Variants in NETO1 observed in about 807,000 individuals in gnomAD.
NETO1 encodes neuropilin and tolloid-like protein 1.
In NETO1, 26 loss-of-function variants were observed where a neutral mutation model predicts 61.3. The ratio of observed to expected loss-of-function variants is 0.42; its 90% CI spans 0.31 to 0.59. The LOEUF (loss-of-function observed/expected upper bound fraction) is 0.59. Among genes scored for constraint, NETO1 ranks in the 20% least tolerant of loss-of-function variants. NETO1 has a pLI of 0.12. For missense variants in NETO1, 531 were observed against 662.8 expected (o/e 0.80, Z 2.18); for synonymous variants, 225 against 225.8 (o/e 1.00, Z 0.03).
chr18:72,743,305 A>T, downstream of NETO1, among the ~76,000 whole-genome samples: 1 of 152,136 alleles, frequency 6.6e-6, no homozygotes, highest in Non-Finnish European at 1.5e-5. Flanking sequence ...TTCTCCCTGC[A>T]CTACTATTTG....
chr18:72,808,385 C>T (rs1219245692), intron 4 of NETO1, among the ~76,000 whole-genome samples: 1 of 150,762 alleles, frequency 6.6e-6, no homozygotes, highest in East Asian at 2.0e-4. Context: ...GTCTCTGCTA[C>T]ACACAGGTTG....
Position 72,747,762 on chromosome 18 carries a change from A to G in NETO1, c.*417T>C, listed in dbSNP as rs1266542513. On this transcript the variant is annotated 3_prime_UTR_variant, in exon 11 of 11. Transcript: ENST00000327305. ...TCAAGCTGTCTATATAATGAAAACA[A>G]TGTACATGTAACACAAGGTTCATCC... The G allele has an allele frequency of 6.6e-6, 1 of 152,242 alleles. No homozygotes were observed. The highest frequency in any genetic ancestry group is 2.4e-5 in the African/African-American group (1 of 41,586). 9.4% of individuals were successfully genotyped at this position (152,242 alleles called of 1,614,324 possible).
At chr18:72,757,723 T>C (rs922003263) in intron 7 of NETO1, among the ~76,000 whole-genome samples, 2 of 152,188 alleles carry the variant, frequency 1.3e-5, no homozygotes, top group Non-Finnish European at 2.9e-5. Context: ...CAATCCAGTA[T>C]ATTATTGTAA....
intron 4 of NETO1, among the ~76,000 whole-genome samples, chr18:72,805,714 A>C (rs2072653989): frequency 6.6e-6 from 1 of 152,190 alleles, no homozygotes; most frequent in African/African-American, 2.4e-5. Flanking sequence ...ACAGACTTGT[A>C]AATGCTAAGA....
At chr18:72,798,601 C>T (rs1039342133) in intron 4 of NETO1, among the ~76,000 whole-genome samples, 1 of 152,136 alleles carries the variant, frequency 6.6e-6, no homozygotes, top group African/African-American at 2.4e-5. Flanking sequence ...GTGACACACC[C>T]ATTATTTTAT....
chr18:72,766,167 C>T (rs1175333442), intron 7 of NETO1, among the ~76,000 whole-genome samples: 2 of 151,624 alleles, frequency 1.3e-5, no homozygotes, highest in Admixed American at 6.6e-5. Context: ...GATTGTGCCA[C>T]TGCCCTTCAG....
At chr18:72,774,690 GATTA>G (rs146241548) in intron 7 of NETO1, among the ~76,000 whole-genome samples, 1,701 of 152,106 alleles carry the variant, frequency 0.011, 26 homozygotes, top group African/African-American at 0.039. Flanking sequence ...ATTAATTACT[GATTA>G]ATTAATTGTT....
At chr18:72,791,187 G>A (rs918240167) in intron 6 of NETO1, among the ~76,000 whole-genome samples, 7 of 152,118 alleles carry the variant, frequency 4.6e-5, no homozygotes, top group Non-Finnish European at 8.8e-5. Context: ...TGTAGTAAAG[G>A]AGACATCAGA....
At chr18:72,790,723 T>G (rs2072085920) in intron 6 of NETO1, among the ~76,000 whole-genome samples, 1 of 152,098 alleles carries the variant, frequency 6.6e-6, no homozygotes, top group African/African-American at 2.4e-5. Context: ...GTCTTACTCC[T>G]GAAGATTAAG....
intron 1 of NETO1, chr18:72,866,695 T>G (rs868687451): frequency 2.0e-6 from 2 of 984,750 alleles, no homozygotes; most frequent in Admixed American, 6.1e-5. Context: ...CTCGTGATAC[T>G]ATTTTCCTCT....
At chr18:72,801,338 C>G (rs972697267) in intron 4 of NETO1, among the ~76,000 whole-genome samples, 2 of 151,992 alleles carry the variant, frequency 1.3e-5, no homozygotes, top group African/African-American at 4.8e-5. Context: ...TTCTATGAGC[C>G]CAGGAGTGTT....
chr18:72,786,308 T>C (rs2071916414), intron 6 of NETO1, among the ~76,000 whole-genome samples: 1 of 152,206 alleles, frequency 6.6e-6, no homozygotes, highest in Admixed American at 6.5e-5. Context: ...GTTGCAGACT[T>C]GTAAGATGCT....
intron 4 of NETO1, among the ~76,000 whole-genome samples, chr18:72,854,579 A>G (rs915523290): frequency 6.6e-6 from 1 of 152,240 alleles, no homozygotes; most frequent in Non-Finnish European, 1.5e-5. Context: ...TGAGGAGTAC[A>G]GTAGATACTG....
chr18:72,750,374 A>G lies in NETO1; in HGVS notation c.1229T>C (p.Val410Ala), dbSNP rs1260857544. ...ATGGTAATTTTCAAAGTCATCTGCC[A>G]CATCTGCAAAGTCAGCTGTAGCTCC... The part of the protein sequence containing the change: ...GTGATADFAD[V>A]ADDFENYHKL... Residue 410 changes from valine (V) to alanine (A), a missense_variant, in exon 9 of 11, where the codon GTG (valine) becomes GCG (alanine). Physicochemically the swap from Val to Ala is moderately conservative, Grantham distance 64. Coordinates refer to ENST00000327305, the MANE Select transcript of NETO1 (RefSeq NM_138966.5). 1 of 1,614,130 alleles carries G rather than the reference A, an allele frequency of 6.2e-7. No individual in the cohort carries two copies. Among genetic ancestry groups the G allele is most frequent in the Non-Finnish European group, 8.5e-7 (1 of 1,180,024 alleles).
rs1555684116 is a variant in NETO1, at chr18:72,772,749, C to CTATATA, written c.868+10923_868+10928dup. Among the ~76,000 whole-genome samples the CTATATA allele has an allele frequency of 4.8e-4, 13 of 27,136 alleles. 1 individual carries two copies. The highest frequency in any genetic ancestry group is 5.0e-4 in the Non-Finnish European group (8 of 15,902). The allele number at this position is 27,136 out of a possible 152,430, so 17.8% of individuals were successfully genotyped here. A position where few individuals can be genotyped will look rare whatever the true frequency, so the allele number is the denominator to read the frequency against. Reference sequence around the variant, plus strand: ...GTATCATGTACACACACACATCTCTCTATATATATCTATATATATATATAT... The same window carrying CTATATA: ...GTATCATGTACACACACACATCTCTCTATATATATATATATCTATATATATATATAT... On this transcript the variant is annotated intron_variant, in intron 7 of 10. Transcript: ENST00000327305.
At chr18:72,775,851 CT>C (rs911054436) in intron 7 of NETO1, among the ~76,000 whole-genome samples, 74 of 150,726 alleles carry the variant, frequency 4.9e-4, no homozygotes, top group South Asian at 8.4e-4. Flanking sequence ...TCAATGAACC[CT>C]TTTTTTTTCT....
intron 4 of NETO1, among the ~76,000 whole-genome samples, chr18:72,851,414 C>CAAAAAAAACA (rs570774226): frequency 6.7e-6 from 1 of 149,032 alleles, no homozygotes; most frequent in Admixed American, 6.7e-5. Flanking sequence ...TCCCTCAAAA[C>CAAAAAAAACA]AAAAAAAGAA....
intron 7 of NETO1, among the ~76,000 whole-genome samples, chr18:72,779,484 C>T (rs1210002828): frequency 1.3e-5 from 2 of 152,104 alleles, no homozygotes; most frequent in Non-Finnish European, 2.9e-5. Context: ...CACTGAGGAA[C>T]TTGAAACTCC....
At chr18:72,850,118 G>A (rs1292306712) in intron 4 of NETO1, among the ~76,000 whole-genome samples, 1 of 152,176 alleles carries the variant, frequency 6.6e-6, no homozygotes, top group Non-Finnish European at 1.5e-5. Flanking sequence ...ATAGATTGCA[G>A]AAATTAGGAC....
Sources: gnomAD v4.1 joint callset for allele counts (sites outside exome capture counted in the v4.1 genomes callset) on GRCh38, gnomAD v4.1.1 for gene constraint, MANE v1.5 for transcripts, NCBI Gene and HGNC (gene_info 2026-07-23, HGNC 2026-07-21) for gene names.